TMEM178A: variants seen among roughly 807,000 people sequenced by gnomAD.
TMEM178A encodes transmembrane protein 178.
Under a neutral mutation model 29.1 loss-of-function variants are expected in TMEM178A, and 12 were observed. The observed-to-expected ratio is 0.41, with a 90% CI of 0.26 to 0.67. The LOEUF is 0.67. TMEM178A is among the 30% of genes least tolerant of loss of function. The pLI is 0.29. For missense variants in TMEM178A, 366 were observed against 419.1 expected (o/e 0.87, Z 1.11); for synonymous variants, 210 against 187.2 (o/e 1.12, Z -0.99).
the TMEM178A span, among the ~76,000 whole-genome samples, chr2:39,732,589 G>A: frequency 6.6e-6 from 1 of 152,196 alleles, no homozygotes; most frequent in South Asian, 2.1e-4. Context: ...AGCAAGTCAA[G>A]AGTTATTTCC....
intron 3 of TMEM178A, among the ~76,000 whole-genome samples, chr2:39,715,161 C>G (rs1041407708): frequency 2.0e-5 from 3 of 152,236 alleles, no homozygotes; most frequent in Non-Finnish European, 4.4e-5. Flanking sequence ...GGTTTGAACT[C>G]AAGCTTTCAT....
At chr2:39,682,449 A>T (rs1427244562) in intron 1 of TMEM178A, among the ~76,000 whole-genome samples, 5 of 151,724 alleles carry the variant, frequency 3.3e-5, no homozygotes, top group Non-Finnish European at 4.4e-5. Flanking sequence ...TAAATATCGT[A>T]TGCTTCTGCT....
rs919302555 is a variant in TMEM178A at position 39,717,534 on chromosome 2, A to T, written c.*283A>T. On this transcript the variant is annotated 3_prime_UTR_variant, in exon 4 of 4. Coordinates refer to ENST00000281961, the MANE Select transcript of TMEM178A (RefSeq NM_152390.3). Reference sequence around the variant, plus strand: ...AGAAAGAAGAAACTGCAATGGAAAAATTTGTATGATTTCCATTTATTTCAG... The same window carrying T: ...AGAAAGAAGAAACTGCAATGGAAAATTTTGTATGATTTCCATTTATTTCAG... 6.9e-6 allele frequency: 2 copies of T among 290,398 alleles called. No individual in the cohort carries two copies. Among genetic ancestry groups the T allele is most frequent in the African/African-American group, 2.2e-5 (1 of 46,258 alleles). 18.0% of individuals were successfully genotyped at this position (290,398 alleles called of 1,614,324 possible).
intron 1 of TMEM178A, among the ~76,000 whole-genome samples, chr2:39,703,013 T>C (rs1019853259): frequency 1.3e-5 from 2 of 152,218 alleles, no homozygotes; most frequent in African/African-American, 4.8e-5. Context: ...GGGCTCATGA[T>C]GCAAATTATG....
the TMEM178A span, among the ~76,000 whole-genome samples, chr2:39,733,346 T>G: frequency 6.6e-6 from 1 of 152,228 alleles, no homozygotes; most frequent in Non-Finnish European, 1.5e-5. Context: ...CTTTTTAGCA[T>G]ATTAATGCTT....
the TMEM178A span, among the ~76,000 whole-genome samples, chr2:39,731,260 C>T: frequency 6.2e-4 from 94 of 152,240 alleles, 1 homozygote; most frequent in African/African-American, 2.0e-3. Flanking sequence ...CAATATAATT[C>T]CCCTCCTGTT....
intron 1 of TMEM178A, among the ~76,000 whole-genome samples, chr2:39,675,728 T>A (rs1448270161): frequency 6.6e-6 from 1 of 152,170 alleles, no homozygotes; most frequent in African/African-American, 2.4e-5. Flanking sequence ...TTTTTCCTGG[T>A]CAGGTATTCA....
chr2:39,683,731 T>G lies in TMEM178A; in HGVS notation c.400+17357T>G, dbSNP rs555272714. The stretch of plus-strand genomic sequence containing the variant: ...CAATCGTGTACCACTTGCATTAGCT[T>G]TTCCCTTCCTTTTAACACAATCAGT... On this transcript the variant is annotated intron_variant, in intron 1 of 3. Coordinates refer to ENST00000281961, the MANE Select transcript of TMEM178A (RefSeq NM_152390.3). Among the ~76,000 whole-genome samples, 3 of 152,304 alleles carry G rather than the reference T, an allele frequency of 2.0e-5. No homozygotes were observed. In the South Asian group the frequency reaches 6.2e-4, roughly 32 times the overall value.
In TMEM178A at chr2:39,666,268, G is replaced by T. The variant is rs750456040; in HGVS notation, c.294G>T (p.Gly98=). The T allele has an allele frequency of 7.2e-6, 10 of 1,390,030 alleles. No individual in the cohort carries two copies. The African/African-American group carries it at 7.5e-5, about 10-fold the overall frequency. The allele number at this position is 1,390,030 out of a possible 1,614,324, so 86.1% of individuals were successfully genotyped here. ...ESWRSLLGLG[G]LDAECGRPLF... ...GGCGCTCGCTCCTGGGGCTCGGCGG[G>T]CTGGACGCCGAGTGCGGCCGGCCCC... is the stretch of plus-strand genomic sequence containing the variant. The change falls in exon 1 of 4, where the codon GGG becomes GGT. Residue 98 remains glycine (G), a synonymous_variant. Coordinates refer to ENST00000281961, the MANE Select transcript of TMEM178A (RefSeq NM_152390.3).
chr2:39,720,135 C>T (rs1672673263), downstream of TMEM178A, among the ~76,000 whole-genome samples: 1 of 152,178 alleles, frequency 6.6e-6, no homozygotes, highest in Non-Finnish European at 1.5e-5. Flanking sequence ...ATTACATTCC[C>T]ATTGGCTGTG....
intron 1 of TMEM178A, among the ~76,000 whole-genome samples, chr2:39,676,889 C>T (rs1049676444): frequency 2.0e-5 from 3 of 152,134 alleles, no homozygotes; most frequent in African/African-American, 7.2e-5. Flanking sequence ...CATGGAAGTG[C>T]CCTGAAAGCC....
At chr2:39,705,027 A>G (rs1671963629) in intron 2 of TMEM178A, among the ~76,000 whole-genome samples, 1 of 152,232 alleles carries the variant, frequency 6.6e-6, no homozygotes, top group African/African-American at 2.4e-5. Context: ...ATATTGCCAG[A>G]GCAGTGGTCT....
Position 39,707,061 on chromosome 2 carries a change from T to G in TMEM178A, c.527T>G (p.Ile176Ser), listed in dbSNP as rs1672064539. Residue 176 changes from isoleucine (I) to serine (S), a missense_variant, in exon 3 of 4, where the codon ATC (isoleucine) becomes AGC (serine). By Grantham distance (142) the Ile-to-Ser change is moderately radical. This residue lies in a region of TMEM178A where 119 missense variants were observed against 172.2 expected (regional missense o/e 0.69). Coordinates refer to ENST00000281961, the MANE Select transcript of TMEM178A (RefSeq NM_152390.3). ...GTTTTGAGATTAGATTTAAGAAGAA[T>G]CACTGCTGGCTTCCTCGGCATGGCC... ...DEWHLLHLRR[I>S]TAGFLGMAVA... The G allele has an allele frequency of 6.2e-7, 1 of 1,604,642 alleles. No individual in the cohort carries two copies. The highest frequency in any genetic ancestry group is 8.5e-7 in the Non-Finnish European group (1 of 1,177,366).
At chr2:39,705,917 G>T (rs750794836) in intron 2 of TMEM178A, among the ~76,000 whole-genome samples, 5 of 152,194 alleles carry the variant, frequency 3.3e-5, no homozygotes, top group Non-Finnish European at 7.3e-5. Context: ...GCAGATGTAT[G>T]CTTGGGATGT....
At chr2:39,714,074 A>G (rs767295128) in intron 3 of TMEM178A, among the ~76,000 whole-genome samples, 4 of 152,202 alleles carry the variant, frequency 2.6e-5, no homozygotes, top group African/African-American at 4.8e-5. Context: ...ATTCTTAGAA[A>G]TGCGAGGGTC....
At chr2:39,695,105 T>C (rs1276459430) in intron 1 of TMEM178A, among the ~76,000 whole-genome samples, 2 of 152,236 alleles carry the variant, frequency 1.3e-5, no homozygotes, top group Non-Finnish European at 2.9e-5. Context: ...ATTAAATCTC[T>C]GACCAGAACA....
At chr2:39,685,921 G>A (rs1401327936) in intron 1 of TMEM178A, among the ~76,000 whole-genome samples, 1 of 152,196 alleles carries the variant, frequency 6.6e-6, no homozygotes, top group Non-Finnish European at 1.5e-5. Flanking sequence ...GTTTGTTTGT[G>A]TGTCTCAGGA....
At chr2:39,703,532 A>G (rs1671887917) in intron 1 of TMEM178A, among the ~76,000 whole-genome samples, 1 of 152,192 alleles carries the variant, frequency 6.6e-6, no homozygotes, top group African/African-American at 2.4e-5. Flanking sequence ...GAGATCTAGA[A>G]TTCAGGTCAG....
At chr2:39,677,432 ATCAC>A (rs1202629348) in intron 1 of TMEM178A, among the ~76,000 whole-genome samples, 1 of 152,164 alleles carries the variant, frequency 6.6e-6, no homozygotes, top group African/African-American at 2.4e-5. Context: ...AAATTAGCAA[ATCAC>A]TCCTTGCTAT....
Sources: allele counts gnomAD v4.1 joint callset (sites outside exome capture counted in the v4.1 genomes callset), GRCh38; gene constraint gnomAD v4.1.1; regional missense constraint gnomAD v4.1.1; transcripts MANE v1.5; gene names NCBI Gene and HGNC (gene_info 2026-07-23, HGNC 2026-07-21).